Variants in TCF4 observed in about 807,000 individuals in gnomAD.
TCF4 encodes the protein SL3-3 enhancer factor 2.
A neutral mutation model predicts 82.1 loss-of-function variants in TCF4; 3 were observed. That is an observed-to-expected ratio of 0.04 (90% confidence interval 0.02 to 0.09). The LOEUF (loss-of-function observed/expected upper bound fraction) is 0.09. TCF4 is among the 10% of genes least tolerant of loss of function. The pLI is 1.00. For missense variants in TCF4, 518 were observed against 852.7 expected (o/e 0.61, Z 4.89); for synonymous variants, 276 against 309.6 (o/e 0.89, Z 1.14).
chr18:55,274,046 C>T (rs1000050808), intron 10 of TCF4, among the ~76,000 whole-genome samples: 4 of 152,048 alleles, frequency 2.6e-5, no homozygotes, highest in African/African-American at 4.8e-5. Context: ...TTCCAACATG[C>T]GGTATAGTGC....
chr18:55,540,046 CA>C (rs5825143), intron 3 of TCF4, among the ~76,000 whole-genome samples: 96 of 142,858 alleles, frequency 6.7e-4, no homozygotes, highest in East Asian at 5.6e-3. Context: ...AACAGAGATG[CA>C]AAAAAAAAAG....
chr18:55,510,214 G>GC (rs1230241123), intron 3 of TCF4, among the ~76,000 whole-genome samples: 1 of 152,032 alleles, frequency 6.6e-6, no homozygotes, highest in African/African-American at 2.4e-5. Context: ...CAGATATAGC[G>GC]CTCAGTCTGC....
At chr18:55,603,832 T>A (rs2097699668) in intron 2 of TCF4, among the ~76,000 whole-genome samples, 1 of 152,040 alleles carries the variant, frequency 6.6e-6, no homozygotes. Context: ...GGCCAGGAGA[T>A]CATGGCACAG....
At chr18:55,301,032 G>A (rs184279215) in intron 8 of TCF4, among the ~76,000 whole-genome samples, 8 of 152,136 alleles carry the variant, frequency 5.3e-5, no homozygotes, top group East Asian at 3.9e-4. Context: ...CAGCACATCC[G>A]GCCTGGAGAA....
chr18:55,318,445 A>T (rs2074688581), intron 8 of TCF4, among the ~76,000 whole-genome samples: 1 of 151,880 alleles, frequency 6.6e-6, no homozygotes, highest in Admixed American at 6.6e-5. Flanking sequence ...TGGTGCTTTA[A>T]TTTTTTTTAA....
At chr18:55,494,157 G>GACACACACACAGACACAC (rs2096605126) in intron 3 of TCF4, among the ~76,000 whole-genome samples, 1 of 147,622 alleles carries the variant, frequency 6.8e-6, no homozygotes. Flanking sequence ...AAATATTATG[G>GACACACACACAGACACAC]ACACACACAC....
intron 11 of TCF4, chr18:55,268,846 C>A (rs2059749694): frequency 1.3e-5 from 2 of 152,098 alleles, no homozygotes; most frequent in South Asian, 2.1e-4. Flanking sequence ...ATTCTCCCCA[C>A]CGACGCTCTG....
At chr18:55,357,315 G>T (rs1381625257) in intron 6 of TCF4, among the ~76,000 whole-genome samples, 1 of 152,064 alleles carries the variant, frequency 6.6e-6, no homozygotes, top group African/African-American at 2.4e-5. Flanking sequence ...ATAAAAAATG[G>T]ATTTGAAGAA....
chr18:55,553,912 T>C (rs895976584), intron 3 of TCF4, among the ~76,000 whole-genome samples: 2 of 152,064 alleles, frequency 1.3e-5, no homozygotes, highest in African/African-American at 4.8e-5. Flanking sequence ...GATGATAGTC[T>C]AAAGGAAAAG....
At chr18:55,295,915 T>C (rs2146759437) in intron 8 of TCF4, among the ~76,000 whole-genome samples, 1 of 152,276 alleles carries the variant, frequency 6.6e-6, no homozygotes, top group Non-Finnish European at 1.5e-5. Flanking sequence ...AAGGAGCCTG[T>C]ACACCCCAAT....
Position 55,588,048 on chromosome 18 carries a change from C to T in TCF4, c.-31G>A. ...GGCGCCGGTACCTACCGCCCGCGCG[C>T]GAGAAGGGGCTCTCCGTGCACCGCC... On this transcript the variant is annotated 5_prime_UTR_variant, in exon 1 of 20. Coordinates refer to ENST00000354452, the MANE Select transcript of TCF4 (RefSeq NM_001083962.2). 3.3e-5 allele frequency: 32 copies of T among 983,426 alleles called. No individual in the cohort carries two copies. Among genetic ancestry groups the T allele is most frequent in the Non-Finnish European group, 3.7e-5 (31 of 829,324 alleles). The allele number at this position is 983,426 out of a possible 1,614,324, so 60.9% of individuals were successfully genotyped here.
intron 8 of TCF4, among the ~76,000 whole-genome samples, chr18:55,343,972 T>C (rs1409891191): frequency 6.6e-6 from 1 of 152,126 alleles, no homozygotes. Context: ...AGTGCAGTTA[T>C]GTAAAAAATC....
intron 2 of TCF4, among the ~76,000 whole-genome samples, chr18:55,601,143 G>A (rs965858135): frequency 5.3e-5 from 8 of 152,166 alleles, no homozygotes; most frequent in African/African-American, 1.9e-4. Flanking sequence ...AGAAATAAGT[G>A]CTGTATCCAC....
chr18:55,573,251 A>C (rs1488865099), intron 3 of TCF4, among the ~76,000 whole-genome samples: 1 of 151,696 alleles, frequency 6.6e-6, no homozygotes, highest in Admixed American at 6.6e-5. Context: ...CGGAATGTAT[A>C]AAGTATGGTA....
chr18:55,315,315 G>T (rs1020458763), intron 8 of TCF4, among the ~76,000 whole-genome samples: 11 of 152,044 alleles, frequency 7.2e-5, no homozygotes, highest in African/African-American at 2.7e-4. Flanking sequence ...AATCTTTTTG[G>T]ATTAAATACC....
At chr18:55,414,377 T>C (rs1164235814) in intron 5 of TCF4, among the ~76,000 whole-genome samples, 2 of 152,228 alleles carry the variant, frequency 1.3e-5, no homozygotes, top group East Asian at 3.9e-4. Context: ...TCTAAGTTCT[T>C]TGATCACTCC....
intron 5 of TCF4, among the ~76,000 whole-genome samples, chr18:55,424,579 G>C (rs1224107721): frequency 2.0e-5 from 3 of 152,010 alleles, no homozygotes; most frequent in Non-Finnish European, 4.4e-5. Context: ...AACAACTAAG[G>C]GGGGAGCAGA....
intron 3 of TCF4, among the ~76,000 whole-genome samples, chr18:55,547,990 C>T (rs1339364713): frequency 6.6e-6 from 1 of 152,106 alleles, no homozygotes; most frequent in Non-Finnish European, 1.5e-5. Flanking sequence ...CCATCCTCCC[C>T]ATTTCAAGAA....
chr18:55,606,403 C>A (rs564040721), intron 2 of TCF4, among the ~76,000 whole-genome samples: 8 of 152,230 alleles, frequency 5.3e-5, no homozygotes, highest in African/African-American at 1.9e-4. Context: ...CTCTTCTTCT[C>A]TGTTCTGAGC....
Sources: allele counts gnomAD v4.1 joint callset (sites outside exome capture counted in the v4.1 genomes callset), GRCh38; gene constraint gnomAD v4.1.1; transcripts MANE v1.5; gene names NCBI Gene and HGNC (gene_info 2026-07-23, HGNC 2026-07-21).